CPA6: variants seen among roughly 807,000 people sequenced by gnomAD.
CPA6 encodes the protein carboxypeptidase B.
Under a neutral mutation model 63.3 loss-of-function variants are expected in CPA6, and 58 were observed. That is an observed-to-expected ratio of 0.92 (90% CI 0.74 to 1.14). CPA6 has a LOEUF of 1.14. CPA6 is among the 50% of genes most tolerant of loss of function. CPA6 has a pLI of 0.00. For synonymous variants in CPA6, 185 were observed against 179.0 expected, an observed-to-expected ratio of 1.03 and a Z score of -0.27; for missense variants, 565 against 526.6, an observed-to-expected ratio of 1.07 and a Z score of -0.71.
At chr8:67,547,255 C>G (rs1159116864) in intron 2 of CPA6, among the ~76,000 whole-genome samples, 1 of 152,082 alleles carries the variant, frequency 6.6e-6, no homozygotes, top group Admixed American at 6.5e-5. Flanking sequence ...ACTGTGTTAG[C>G]CAGGATGGTC....
chr8:67,646,053 A>G (rs1170978677), intron 1 of CPA6, among the ~76,000 whole-genome samples: 2 of 152,208 alleles, frequency 1.3e-5, no homozygotes, highest in African/African-American at 4.8e-5. Flanking sequence ...GGGATCCAAG[A>G]TGACAGCCCA....
At chr8:67,710,376 C>T (rs1217275213) in intron 1 of CPA6, among the ~76,000 whole-genome samples, 1 of 151,744 alleles carries the variant, frequency 6.6e-6, no homozygotes, top group Non-Finnish European at 1.5e-5. Context: ...AATGTAGATT[C>T]TCTGCAGGTG....
chr8:67,579,989 G>A lies in CPA6; in HGVS notation c.192+44187C>T, dbSNP rs530816124. 2.6e-5 allele frequency among the ~76,000 whole-genome samples: 4 copies of A among 152,262 alleles called. No individual in the cohort carries two copies. The South Asian group carries it at 8.3e-4, about 32-fold the overall frequency. On this transcript the variant is annotated intron_variant, in intron 2 of 10. Coordinates refer to ENST00000297770, the MANE Select transcript of CPA6 (RefSeq NM_020361.5). ...ACCTAAATAAACGAACATTGCAACAGAAACTTTTGCCTGAAAGGAATTTGG... is the reference window on the plus strand; with the variant it reads ...ACCTAAATAAACGAACATTGCAACAAAAACTTTTGCCTGAAAGGAATTTGG...
intron 3 of CPA6, among the ~76,000 whole-genome samples, chr8:67,517,448 T>A (rs1375219641): frequency 6.6e-6 from 1 of 152,180 alleles, no homozygotes; most frequent in African/African-American, 2.4e-5. Flanking sequence ...CACATAAGAT[T>A]TCCCACAATC....
intron 2 of CPA6, among the ~76,000 whole-genome samples, chr8:67,562,724 A>G (rs1421505553): frequency 2.6e-5 from 4 of 152,142 alleles, no homozygotes; most frequent in African/African-American, 9.7e-5. Context: ...TCTTCCATGT[A>G]AGGACACAGT....
chr8:67,431,534 C>T (rs1010909070), intron 9 of CPA6, among the ~76,000 whole-genome samples: 5 of 152,020 alleles, frequency 3.3e-5, no homozygotes, highest in Admixed American at 2.0e-4. Context: ...AGCCCTCATA[C>T]AATAATTTTT....
Position 67,524,899 on chromosome 8 carries a change from C to G in CPA6, c.193-6852G>C, listed in dbSNP as rs191172749. On this transcript the variant is annotated intron_variant, in intron 2 of 10. Transcript: ENST00000297770. Reference sequence around the variant, plus strand: ...TCCACTCATCCCATTTCTCAACTTACATGTCCTTAATTTTGAAGTTTTATT... The same window carrying G: ...TCCACTCATCCCATTTCTCAACTTAGATGTCCTTAATTTTGAAGTTTTATT... 5.3e-5 allele frequency among the ~76,000 whole-genome samples: 8 copies of G among 152,324 alleles called. 1 individual carries two copies. Among genetic ancestry groups the G allele is most frequent in the Admixed American group, 4.6e-4 (7 of 15,300 alleles).
At chr8:67,686,324 A>T (rs919153257) in intron 1 of CPA6, among the ~76,000 whole-genome samples, 1 of 151,986 alleles carries the variant, frequency 6.6e-6, no homozygotes, top group Non-Finnish European at 1.5e-5. Context: ...TAGGGTCTTA[A>T]TTTTTTCATC....
intron 1 of CPA6, among the ~76,000 whole-genome samples, chr8:67,698,356 G>A (rs2128998292): frequency 6.6e-6 from 1 of 152,302 alleles, no homozygotes; most frequent in South Asian, 2.1e-4. Flanking sequence ...AACTCCTGGT[G>A]ATTCTGGTGA....
At chr8:67,722,381 AG>A (rs1817517936) in intron 1 of CPA6, among the ~76,000 whole-genome samples, 1 of 152,204 alleles carries the variant, frequency 6.6e-6, no homozygotes, top group African/African-American at 2.4e-5. Flanking sequence ...GGGCAAGCCC[AG>A]GGTGTTTGTA....
At chr8:67,527,100 C>T (rs1486390393) in intron 2 of CPA6, among the ~76,000 whole-genome samples, 1 of 152,126 alleles carries the variant, frequency 6.6e-6, no homozygotes, top group Non-Finnish European at 1.5e-5. Flanking sequence ...GACAAGAGCC[C>T]CTGGGCTGTA....
At chr8:67,635,847 C>T (rs1413021360) in intron 1 of CPA6, among the ~76,000 whole-genome samples, 4 of 151,618 alleles carry the variant, frequency 2.6e-5, no homozygotes, top group Non-Finnish European at 5.9e-5. Flanking sequence ...TTCAATTTGT[C>T]AATACTTCCA....
chr8:67,704,627 ATGAATAGGGGGC>A (rs1373371728), intron 1 of CPA6, among the ~76,000 whole-genome samples: 3 of 152,154 alleles, frequency 2.0e-5, no homozygotes, highest in South Asian at 2.1e-4. Flanking sequence ...AACCCCAAGG[ATGAATAGGGGGC>A]TTCTGTTCAT....
intron 6 of CPA6, among the ~76,000 whole-genome samples, chr8:67,497,353 AAT>A (rs961473188): frequency 6.6e-6 from 1 of 152,202 alleles, no homozygotes; most frequent in Admixed American, 6.5e-5. Flanking sequence ...GGAGTGATAC[AAT>A]ATATGAGTCT....
chr8:67,655,289 CT>C, intron 1 of CPA6, among the ~76,000 whole-genome samples: 1 of 152,130 alleles, frequency 6.6e-6, no homozygotes, highest in East Asian at 1.9e-4. Context: ...AGTCTTTTGG[CT>C]GTCATTTTAT....
intron 6 of CPA6, among the ~76,000 whole-genome samples, chr8:67,496,533 A>ATC (rs1811717762): frequency 7.4e-6 from 1 of 135,174 alleles, no homozygotes; most frequent in Non-Finnish European, 1.5e-5. Context: ...ATATATATAT[A>ATC]TATATATATA....
At chr8:67,594,878 C>T (rs1814276330) in intron 2 of CPA6, among the ~76,000 whole-genome samples, 1 of 152,224 alleles carries the variant, frequency 6.6e-6, no homozygotes, top group Non-Finnish European at 1.5e-5. Context: ...CTTCTCTCAA[C>T]TCGTCAAAGT....
intron 2 of CPA6, among the ~76,000 whole-genome samples, chr8:67,598,967 A>G (rs966691758): frequency 6.6e-6 from 1 of 152,126 alleles, no homozygotes; most frequent in African/African-American, 2.4e-5. Flanking sequence ...GATTTGAGCA[A>G]TTTATAAATC....
intron 1 of CPA6, among the ~76,000 whole-genome samples, chr8:67,720,799 T>G (rs1472516781): frequency 6.6e-6 from 1 of 152,200 alleles, no homozygotes. Flanking sequence ...CAGACACAGT[T>G]CTGCTCCAGA....
Sources: allele counts gnomAD v4.1 joint callset (sites outside exome capture counted in the v4.1 genomes callset), GRCh38; gene constraint gnomAD v4.1.1; transcripts MANE v1.5; gene names NCBI Gene and HGNC (gene_info 2026-07-23, HGNC 2026-07-21).